Variants in RASSF9 observed in about 807,000 individuals in gnomAD.
RASSF9 encodes Ras association domain family member 9.
Under a neutral mutation model 21.4 loss-of-function variants are expected in RASSF9, and 18 were observed. That is an observed-to-expected ratio of 0.84 (90% CI 0.58 to 1.25). RASSF9 has a LOEUF of 1.25. Ranked by LOEUF, RASSF9 falls within the 50% of genes most tolerant of loss-of-function variation. The pLI is 0.00. For missense variants in RASSF9, 480 were observed against 503.2 expected, an observed-to-expected ratio of 0.95 and a Z score of 0.44; for synonymous variants, 183 against 179.1, an observed-to-expected ratio of 1.02 and a Z score of -0.18.
At chr12:85,824,631 T>C (rs1880290848) in intron 1 of RASSF9, among the ~76,000 whole-genome samples, 1 of 150,174 alleles carries the variant, frequency 6.7e-6, no homozygotes, top group African/African-American at 2.5e-5. Flanking sequence ...TATCCCACTA[T>C]CTCTTGTCTG....
In RASSF9 at chr12:85,803,283, C is replaced by T. The variant is rs1299377466; in HGVS notation, c.*1419G>A. On this transcript the variant is annotated 3_prime_UTR_variant, in exon 2 of 2. Coordinates refer to ENST00000361228, the MANE Select transcript of RASSF9 (RefSeq NM_005447.4). ...AGAGAAGAAATGAGAAGGATTGGGA[C>T]CCTTAACCAATGTCCACATATTAAA... 6.6e-6 allele frequency: 1 copy of T among 152,058 alleles called. No individual in the cohort carries two copies. Among genetic ancestry groups the T allele is most frequent in the Non-Finnish European group, 1.5e-5 (1 of 67,996 alleles). The allele number at this position is 152,058 out of a possible 1,614,324, so 9.4% of individuals were successfully genotyped here. A position where few individuals can be genotyped will look rare whatever the true frequency, so the allele number is the denominator to read the frequency against.
At chr12:85,836,057 A>G (rs1880554993) in intron 1 of RASSF9, 98 bp downstream of exon 1, 1 of 1,540,216 alleles carries the variant, frequency 6.5e-7, no homozygotes, top group Non-Finnish European at 8.8e-7. Flanking sequence ...TCTAACAACC[A>G]CAAAACACAT....
At chr12:85,821,984 T>G (rs1565755617) in intron 1 of RASSF9, among the ~76,000 whole-genome samples, 1 of 152,158 alleles carries the variant, frequency 6.6e-6, no homozygotes, top group Non-Finnish European at 1.5e-5. Context: ...CTAATCTTGT[T>G]GGAAATTCGG....
rs1344180534 is a variant in RASSF9, at chr12:85,804,875, C to G, written c.1135G>C (p.Glu379Gln). The G allele has an allele frequency of 1.2e-6, 2 of 1,613,680 alleles. No homozygotes were observed. Among genetic ancestry groups the G allele is most frequent in the Admixed American group, 1.7e-5 (1 of 60,006 alleles). Residue 379 changes from glutamate to glutamine, a missense_variant, in exon 2 of 2, where the codon GAA becomes CAA. By Grantham distance (29) the Glu-to-Gln change is conservative. Transcript: ENST00000361228. ...ISNKDGCQLK[E>Q]NRAKESEVPS... ...ACCTCAGATTCCTTCGCTCTGTTTT[C>G]CTTTAACTGGCACCCATCTTTGTTG...
chr12:85,818,886 G>C (rs575712241), intron 1 of RASSF9, among the ~76,000 whole-genome samples: 1 of 150,428 alleles, frequency 6.6e-6, no homozygotes, highest in South Asian at 2.1e-4. Context: ...GTGAACCCGG[G>C]AGGTGGAGCT....
At position 85,828,978 on chromosome 12, in the gene RASSF9, T is replaced by G. The variant is rs745338610; in HGVS notation, c.47+7177A>C. On this transcript the variant is annotated intron_variant, in intron 1 of 1. Coordinates refer to ENST00000361228, the MANE Select transcript of RASSF9 (RefSeq NM_005447.4). Reference sequence around the variant, plus strand: ...CAAGATCTTATGTACAGAGCTGAAATAGATATCCTTTTAGGCTTTACTGTG... The same window carrying G: ...CAAGATCTTATGTACAGAGCTGAAAGAGATATCCTTTTAGGCTTTACTGTG... 2.0e-5 allele frequency among the ~76,000 whole-genome samples: 3 copies of G among 152,146 alleles called. No homozygotes were observed. In the South Asian group the frequency reaches 6.2e-4, roughly 31 times the overall value.
chr12:85,816,651 G>A (rs1880071915), intron 1 of RASSF9, among the ~76,000 whole-genome samples: 1 of 152,014 alleles, frequency 6.6e-6, no homozygotes, highest in African/African-American at 2.4e-5. Context: ...ACCTATATGT[G>A]TTTGATATTC....
chr12:85,820,828 T>C (rs1880190499), intron 1 of RASSF9, among the ~76,000 whole-genome samples: 1 of 152,154 alleles, frequency 6.6e-6, no homozygotes, highest in Admixed American at 6.5e-5. Flanking sequence ...GCATGATATG[T>C]TCCCCAACTT....
intron 1 of RASSF9, among the ~76,000 whole-genome samples, chr12:85,831,385 C>A (rs1050746542): frequency 1.3e-5 from 2 of 151,950 alleles, no homozygotes; most frequent in Non-Finnish European, 2.9e-5. Context: ...ATGTGTCAGG[C>A]ACTGACACTG....
At chr12:85,826,641 G>T (rs1880341219) in intron 1 of RASSF9, among the ~76,000 whole-genome samples, 1 of 139,124 alleles carries the variant, frequency 7.2e-6, no homozygotes, top group South Asian at 2.2e-4. Flanking sequence ...TAGAGTCGGG[G>T]TTTCACTGTG....
At position 85,801,895 on chromosome 12, in the gene RASSF9, A is replaced by G. The variant is rs1483497427; in HGVS notation, c.*2807T>C. 1 of 152,264 alleles carries G rather than the reference A, an allele frequency of 6.6e-6. No individual in the cohort carries two copies. The highest frequency in any genetic ancestry group is 1.5e-5 in the Non-Finnish European group (1 of 68,048). The allele number at this position is 152,264 out of a possible 1,614,324, so 9.4% of individuals were successfully genotyped here. A position where few individuals can be genotyped will look rare whatever the true frequency, so the allele number is the denominator to read the frequency against. On this transcript the variant is annotated 3_prime_UTR_variant, in exon 2 of 2. Coordinates refer to ENST00000361228, the MANE Select transcript of RASSF9 (RefSeq NM_005447.4). Reference sequence around the variant, plus strand: ...ATATATAGCGTAAGCCAGAATAAAAATGCTTCTTATGAGAAGTACCTCTAA... The same window carrying G: ...ATATATAGCGTAAGCCAGAATAAAAGTGCTTCTTATGAGAAGTACCTCTAA...
intron 1 of RASSF9, among the ~76,000 whole-genome samples, chr12:85,817,149 C>T (rs952261574): frequency 2.0e-4 from 30 of 152,046 alleles, no homozygotes; most frequent in Non-Finnish European, 1.0e-4. Context: ...AACAAGTTTA[C>T]TAAATTTAAT....
intron 1 of RASSF9, among the ~76,000 whole-genome samples, chr12:85,806,728 A>G (rs1460236098): frequency 2.0e-5 from 3 of 150,878 alleles, no homozygotes; most frequent in African/African-American, 4.9e-5. Context: ...CAAGAAAAAT[A>G]TAAAAACCAT....
intron 1 of RASSF9, among the ~76,000 whole-genome samples, chr12:85,812,181 C>T (rs1421288069): frequency 1.3e-5 from 2 of 151,698 alleles, no homozygotes; most frequent in Non-Finnish European, 3.0e-5. Context: ...ATTATATGCA[C>T]ATATTATGCT....
rs78724456 is a variant in RASSF9 at position 85,814,311 on chromosome 12, G to C, written c.48-8349C>G. ...GAGACATTTTTGGTTTTCACATCAG[G>C]TGGCACTGTTGACACACCCTGTTCC... On this transcript the variant is annotated intron_variant, in intron 1 of 1. Coordinates refer to ENST00000361228, the MANE Select transcript of RASSF9 (RefSeq NM_005447.4). Among the ~76,000 whole-genome samples the C allele has an allele frequency of 3.8e-3, 571 of 152,102 alleles. 5 individuals are homozygous for C. Among genetic ancestry groups the C allele is most frequent in the African/African-American group, 0.013 (557 of 41,510 alleles).
intron 1 of RASSF9, among the ~76,000 whole-genome samples, chr12:85,833,982 G>A (rs1312988247): frequency 6.6e-6 from 1 of 151,958 alleles, no homozygotes; most frequent in Admixed American, 6.6e-5. Flanking sequence ...TAAACAAAAT[G>A]AGTAAACTTA....
intron 1 of RASSF9, among the ~76,000 whole-genome samples, chr12:85,826,827 C>T (rs946760092): frequency 4.0e-4 from 61 of 151,898 alleles, no homozygotes; most frequent in Non-Finnish European, 6.2e-4. Flanking sequence ...TGCTCATAGC[C>T]CTTCAATGGT....
chr12:85,836,054 AC>A, intron 1 of RASSF9, 100 bp downstream of exon 1: 1 of 1,535,146 alleles, frequency 6.5e-7, no homozygotes. Flanking sequence ...GAATCTAACA[AC>A]CACAAAACAC....
intron 1 of RASSF9, among the ~76,000 whole-genome samples, chr12:85,834,511 T>A (rs770216984): frequency 6.6e-6 from 1 of 152,190 alleles, no homozygotes; most frequent in African/African-American, 2.4e-5. Context: ...AGAATGCACT[T>A]CCCTGAGGGA....
Sources: gnomAD v4.1 joint callset for allele counts (sites outside exome capture counted in the v4.1 genomes callset) on GRCh38, gnomAD v4.1.1 for gene constraint, MANE v1.5 for transcripts, NCBI Gene and HGNC (gene_info 2026-07-23, HGNC 2026-07-21) for gene names.